FXR1: variants seen among roughly 807,000 people sequenced by gnomAD.
FXR1 encodes the protein FMR1 autosomal homolog 1, also known as RNA-binding protein FXR1.
A neutral mutation model predicts 84.0 loss-of-function variants in FXR1; 15 were observed. That is an observed-to-expected ratio of 0.18 (90% CI 0.12 to 0.27). The LOEUF (loss-of-function observed/expected upper bound fraction) is 0.27, where lower values mean the gene tolerates loss of function less well. FXR1 is among the 10% of genes least tolerant of loss of function. The probability of loss-of-function intolerance (pLI) is 1.00; values close to 1 mark genes in which losing one functional copy is unlikely to be tolerated. For missense variants in FXR1, 480 were observed against 774.4 expected (o/e 0.62, Z 4.51); for synonymous variants, 245 against 250.7 (o/e 0.98, Z 0.21).
chr3:180,917,947 CAAAAAAAAAA>C (rs757826092), intron 1 of FXR1, among the ~76,000 whole-genome samples: 3 of 61,000 alleles, frequency 4.9e-5, no homozygotes, highest in East Asian at 5.9e-4. Flanking sequence ...ACTCTGTCTC[CAAAAAAAAAA>C]AAAAAAAAAA....
rs1331290102 is a variant in FXR1 at position 180,963,914 on chromosome 3, C to T, written c.1198+824C>T. On this transcript the variant is annotated intron_variant, in intron 13 of 16. Transcript: ENST00000357559. ...TTTTCTCTTTTCCTTTTCTTTTCTT[C>T]ACTCCTATACTTACTCCCTTTTGAG... Among the ~76,000 whole-genome samples, 5 of 152,106 alleles carry T rather than the reference C, an allele frequency of 3.3e-5. No individual in the cohort carries two copies. In the East Asian group the frequency reaches 9.7e-4, roughly 29 times the overall value.
At chr3:180,935,851 G>A (rs894212070) in intron 3 of FXR1, among the ~76,000 whole-genome samples, 1 of 152,172 alleles carries the variant, frequency 6.6e-6, no homozygotes, top group Non-Finnish European at 1.5e-5. Flanking sequence ...GGGATTACAG[G>A]CGTGAGCCAC....
chr3:180,969,896 A>T (rs1713318238), intron 14 of FXR1, among the ~76,000 whole-genome samples: 1 of 152,216 alleles, frequency 6.6e-6, no homozygotes, highest in Non-Finnish European at 1.5e-5. Flanking sequence ...TATTTTAAAA[A>T]CAAGGCACAG....
chr3:180,968,655 A>G (rs1713148603), intron 14 of FXR1, among the ~76,000 whole-genome samples: 1 of 152,166 alleles, frequency 6.6e-6, no homozygotes, highest in Admixed American at 6.5e-5. Flanking sequence ...AATATTGAAA[A>G]CGAAGTGAAG....
intron 3 of FXR1, among the ~76,000 whole-genome samples, chr3:180,940,650 C>A (rs1314069625): frequency 2.0e-5 from 3 of 150,688 alleles, no homozygotes; most frequent in African/African-American, 7.4e-5. Context: ...CATCTCGGCT[C>A]AGCGCAACCT....
chr3:180,939,261 G>C (rs979271509), intron 3 of FXR1, among the ~76,000 whole-genome samples: 1 of 152,052 alleles, frequency 6.6e-6, no homozygotes, highest in African/African-American at 2.4e-5. Context: ...TATACCGGTG[G>C]GGGGGTGTGG....
At chr3:180,917,213 A>G (rs1183293657) in intron 1 of FXR1, among the ~76,000 whole-genome samples, 3 of 152,216 alleles carry the variant, frequency 2.0e-5, no homozygotes, top group Non-Finnish European at 2.9e-5. Flanking sequence ...CTATATTTCT[A>G]TAATTCCCTG....
At chr3:180,940,463 T>C (rs959775757) in intron 3 of FXR1, among the ~76,000 whole-genome samples, 2 of 152,228 alleles carry the variant, frequency 1.3e-5, no homozygotes, top group Non-Finnish European at 2.9e-5. Context: ...ACATTTTTGC[T>C]TTTTATTTTA....
intron 3 of FXR1, among the ~76,000 whole-genome samples, chr3:180,945,530 A>C (rs755268671): frequency 6.6e-6 from 1 of 152,216 alleles, no homozygotes; most frequent in South Asian, 2.1e-4. Flanking sequence ...CTAGCCTTCC[A>C]TGTAGGTGGC....
chr3:180,917,128 G>T (rs559515868), intron 1 of FXR1, among the ~76,000 whole-genome samples: 1 of 152,180 alleles, frequency 6.6e-6, no homozygotes, highest in African/African-American at 2.4e-5. Flanking sequence ...GAGCCACCGC[G>T]CCTGGCCAGA....
chr3:180,947,174 G>A (rs1263475113), intron 3 of FXR1, among the ~76,000 whole-genome samples: 2 of 151,850 alleles, frequency 1.3e-5, no homozygotes, highest in Admixed American at 6.6e-5. Flanking sequence ...TCAGCCCTCC[G>A]AGTAGATGAG....
At chr3:180,919,649 A>C (rs1038072911) in intron 1 of FXR1, among the ~76,000 whole-genome samples, 1 of 150,966 alleles carries the variant, frequency 6.6e-6, no homozygotes, top group African/African-American at 2.4e-5. Context: ...ATAATATTGA[A>C]ATTAATATTA....
chr3:180,974,643 G>C lies in FXR1; in HGVS notation c.1604-670G>C, dbSNP rs151073519. On this transcript the variant is annotated intron_variant, in intron 15 of 16. Coordinates refer to ENST00000357559, the MANE Select transcript of FXR1 (RefSeq NM_005087.4). ...GTCCCTACCAAGATTGGCAAAGGGG[G>C]TGTGGGAGGGGTGTCATTGAATACA... is the stretch of plus-strand genomic sequence containing the variant. 4.6e-5 allele frequency among the ~76,000 whole-genome samples: 7 copies of C among 152,210 alleles called. No individual in the cohort carries two copies. The South Asian group carries it at 1.2e-3, about 27-fold the overall frequency.
chr3:180,933,519 A>G (rs887541433), intron 2 of FXR1, 133 bp downstream of exon 2: 9 of 670,740 alleles, frequency 1.3e-5, no homozygotes, highest in Non-Finnish European at 1.9e-5. Context: ...TTGTTTGATC[A>G]TAAGTCTAGT....
At chr3:180,933,093 C>A in intron 1 of FXR1, 2 of 457,328 alleles carry the variant, frequency 4.4e-6, no homozygotes, top group South Asian at 5.8e-5. Flanking sequence ...CAGGGATGTA[C>A]ATTTACTTTT....
rs775375701 is a variant in FXR1, at chr3:180,957,917, C to G, written c.979C>G (p.Pro327Ala). 6.8e-7 allele frequency: 1 copy of G among 1,463,156 alleles called. No homozygotes were observed. The highest frequency in any genetic ancestry group is 1.8e-5 in the Admixed American group (1 of 56,302). 90.6% of individuals were successfully genotyped at this position (1,463,156 alleles called of 1,614,324 possible). A position where few individuals can be genotyped will look rare whatever the true frequency, so the allele number is the denominator to read the frequency against. The change falls in exon 10 of 17, where the codon CCC becomes GCC. Residue 327 changes from proline (P) to alanine (A), a missense_variant. By Grantham distance (27) the Pro-to-Ala change is conservative (BLOSUM62 -1). This residue lies in a region of FXR1 where 33 missense variants were observed against 42.4 expected (regional missense o/e 0.78). Transcript: ENST00000357559. ...TGAAGGGGACAATGAAAATAAATTA[C>G]CCAGAGAAGACGTAAGTATTTAAAA... ...RIEGDNENKL[P>A]REDGMVPFVF...
At chr3:180,947,984 C>A in intron 4 of FXR1, 48 bp downstream of exon 4, 1 of 1,050,428 alleles carries the variant, frequency 9.5e-7, no homozygotes, top group Non-Finnish European at 1.5e-6. Flanking sequence ...AAGGAAGTAC[C>A]TCAGTGCTTG....
At chr3:180,959,828 C>G (rs747751819) in intron 10 of FXR1, among the ~76,000 whole-genome samples, 1 of 152,102 alleles carries the variant, frequency 6.6e-6, no homozygotes, top group African/African-American at 2.4e-5. Flanking sequence ...ATCCCTAGCA[C>G]TTGCCCTGTT....
chr3:180,950,833 A>G (rs1560003174), intron 7 of FXR1, among the ~76,000 whole-genome samples: 1 of 152,164 alleles, frequency 6.6e-6, no homozygotes, highest in Non-Finnish European at 1.5e-5. Context: ...ATACCACATT[A>G]TGTTCATTCA....
Sources: allele counts gnomAD v4.1 joint callset (sites outside exome capture counted in the v4.1 genomes callset), GRCh38; gene constraint gnomAD v4.1.1; regional missense constraint gnomAD v4.1.1; transcripts MANE v1.5; gene names NCBI Gene and HGNC (gene_info 2026-07-23, HGNC 2026-07-21).